SGIP1: variants seen among roughly 807,000 people sequenced by gnomAD.
SGIP1 encodes SH3GL interacting endocytic adaptor 1, also known as SH3-containing GRB2-like protein 3-interacting protein 1.
Under a neutral mutation model 107.5 loss-of-function variants are expected in SGIP1, and 38 were observed. That is an observed-to-expected ratio of 0.35 (90% CI 0.27 to 0.46). SGIP1 has a LOEUF of 0.46. Ranked by LOEUF, SGIP1 falls within the 20% of genes least tolerant of loss-of-function variation. SGIP1 has a pLI of 1.00. For synonymous variants in SGIP1, 365 were observed against 366.1 expected (o/e 1.00, Z 0.03); for missense variants, 929 against 1,019.5 (o/e 0.91, Z 1.21).
chr1:66,671,797 A>G lies in SGIP1; in HGVS notation c.509-147A>G, dbSNP rs921709317. On this transcript the variant is annotated intron_variant, in intron 10 of 24. Transcript: ENST00000371037. Reference sequence around the variant, plus strand: ...CCTAATATATGGCTGTTGCATTGCCAGGGGAGAAGGTTTGTTTTGCAAAGT... The same window carrying G: ...CCTAATATATGGCTGTTGCATTGCCGGGGGAGAAGGTTTGTTTTGCAAAGT... 2.8e-5 allele frequency: 19 copies of G among 684,354 alleles called. No homozygotes were observed. In the African/African-American group the frequency reaches 3.2e-4, roughly 12 times the overall value. The allele number at this position is 684,354 out of a possible 1,614,324, so 42.4% of individuals were successfully genotyped here.
chr1:66,689,157 C>A lies in SGIP1; in HGVS notation c.1325C>A (p.Ser442Tyr). Residue 442 changes from serine to tyrosine, a missense_variant, in exon 16 of 25, where the codon TCC becomes TAC. Coordinates refer to ENST00000371037, the MANE Select transcript of SGIP1 (RefSeq NM_032291.4). Reference protein sequence around the residue: ...PGPGTTSGASSPARPATPLVP... With the variant: ...PGPGTTSGASYPARPATPLVP... Reference sequence around the variant, plus strand: ...CTAGTTTGTTTTTCAGGTGCATCATCCCCTGCTCGACCAGCCACTCCTTTG... The same window carrying A: ...CTAGTTTGTTTTTCAGGTGCATCATACCCTGCTCGACCAGCCACTCCTTTG... The A allele has an allele frequency of 6.2e-7, 1 of 1,612,988 alleles. No homozygotes were observed. Among genetic ancestry groups the A allele is most frequent in the South Asian group, 1.1e-5 (1 of 90,824 alleles).
chr1:66,670,729 T>G (rs2083571422), intron 9 of SGIP1, among the ~76,000 whole-genome samples: 1 of 152,256 alleles, frequency 6.6e-6, no homozygotes, highest in Non-Finnish European at 1.5e-5. Flanking sequence ...GAATTTAATT[T>G]ACCAAATCTA....
chr1:66,576,521 A>T (rs1177598578), intron 1 of SGIP1, among the ~76,000 whole-genome samples: 2 of 152,240 alleles, frequency 1.3e-5, no homozygotes, highest in African/African-American at 4.8e-5. Flanking sequence ...TATAGAGGTA[A>T]TAAAACCAAT....
chr1:66,588,079 T>G (rs1211377373), intron 1 of SGIP1, among the ~76,000 whole-genome samples: 1 of 152,166 alleles, frequency 6.6e-6, no homozygotes, highest in Non-Finnish European at 1.5e-5. Context: ...AAACAAAATC[T>G]GCTGAAGTAT....
chr1:66,640,605 T>C (rs1456364409), intron 5 of SGIP1, among the ~76,000 whole-genome samples: 1 of 152,030 alleles, frequency 6.6e-6, no homozygotes, highest in Non-Finnish European at 1.5e-5. Flanking sequence ...AGAGAACATG[T>C]GGCTGAGAGG....
chr1:66,592,155 C>T (rs1016168921), intron 1 of SGIP1, among the ~76,000 whole-genome samples: 3 of 152,122 alleles, frequency 2.0e-5, no homozygotes, highest in African/African-American at 4.8e-5. Flanking sequence ...GGCTGGGGGA[C>T]GGTCAGGTCT....
At position 66,617,058 on chromosome 1, in the gene SGIP1, C is replaced by G. The variant is rs542730059; in HGVS notation, c.11-8789C>G. 4.7e-4 allele frequency among the ~76,000 whole-genome samples: 72 copies of G among 152,300 alleles called. 1 individual carries two copies. In the South Asian group the frequency reaches 0.015, roughly 32 times the overall value. ...TTTTGTGCATACTTAGTACAGAGAT[C>G]ACCTGGATTTCCTTTAAGTCAAGTA... On this transcript the variant is annotated intron_variant, in intron 1 of 24. Coordinates refer to ENST00000371037, the MANE Select transcript of SGIP1 (RefSeq NM_032291.4).
At chr1:66,586,087 A>G (rs2062571343) in intron 1 of SGIP1, among the ~76,000 whole-genome samples, 1 of 152,136 alleles carries the variant, frequency 6.6e-6, no homozygotes, top group Non-Finnish European at 1.5e-5. Context: ...TTTTATCATT[A>G]TATAATTTTG....
At chr1:66,578,736 A>G (rs1557951524) in intron 1 of SGIP1, among the ~76,000 whole-genome samples, 1 of 152,062 alleles carries the variant, frequency 6.6e-6, no homozygotes, top group East Asian at 1.9e-4. Flanking sequence ...CAATGGTGCA[A>G]TCTCAGCTCA....
chr1:66,638,133 C>T (rs12138066), intron 4 of SGIP1, among the ~76,000 whole-genome samples: 79,043 of 151,866 alleles, frequency 0.52, 21,673 homozygotes, highest in African/African-American at 0.7. Context: ...GTTTATTATA[C>T]ATACTTTCTA....
intron 1 of SGIP1, among the ~76,000 whole-genome samples, chr1:66,567,891 G>A (rs927970331): frequency 2.6e-5 from 4 of 152,168 alleles, no homozygotes; most frequent in African/African-American, 7.2e-5. Flanking sequence ...GTACCATGCT[G>A]TTTTGGTTAC....
Position 66,689,144 on chromosome 1 carries a change from T to C in SGIP1, c.1316-4T>C. 2 of 1,611,590 alleles carry C rather than the reference T, an allele frequency of 1.2e-6. No individual in the cohort carries two copies. The highest frequency in any genetic ancestry group is 1.7e-6 in the Non-Finnish European group (2 of 1,178,734). ...AGCCATTTTAATGCTAGTTTGTTTT[T>C]CAGGTGCATCATCCCCTGCTCGACC... On this transcript the variant is annotated splice_region_variant and splice_polypyrimidine_tract_variant and intron_variant, in intron 15 of 24. Transcript: ENST00000371037.
chr1:66,617,094 T>G (rs1018657319), intron 1 of SGIP1, among the ~76,000 whole-genome samples: 1 of 152,218 alleles, frequency 6.6e-6, no homozygotes, highest in Non-Finnish European at 1.5e-5. Context: ...GAAATGTAGG[T>G]GAAGCATTCA....
chr1:66,638,885 C>A (rs1022449852), intron 4 of SGIP1, among the ~76,000 whole-genome samples: 15 of 152,254 alleles, frequency 9.9e-5, no homozygotes, highest in Admixed American at 6.5e-4. Context: ...ATCTGCTATG[C>A]GCAGTGACAT....
intron 19 of SGIP1, among the ~76,000 whole-genome samples, chr1:66,721,693 G>A (rs1239067542): frequency 6.6e-6 from 1 of 152,168 alleles, no homozygotes; most frequent in Admixed American, 6.6e-5. Context: ...ACAGGCGTGA[G>A]CCACTGTGCC....
chr1:66,665,167 C>G (rs979699066), intron 8 of SGIP1, among the ~76,000 whole-genome samples: 2 of 152,186 alleles, frequency 1.3e-5, no homozygotes, highest in Non-Finnish European at 2.9e-5. Context: ...GTTCCCCACC[C>G]TGTGTCCAAG....
At chr1:66,689,047 C>CAAA in intron 15 of SGIP1, 101 bp from the exon 16 acceptor site, 45 of 1,214,910 alleles carry the variant, frequency 3.7e-5, no homozygotes, top group Non-Finnish European at 4.6e-5. Flanking sequence ...ACTGCCAAGG[C>CAAA]AAAAAAAAAA....
intron 1 of SGIP1, among the ~76,000 whole-genome samples, chr1:66,539,570 C>A (rs1301938484): frequency 6.6e-6 from 1 of 152,194 alleles, no homozygotes. Flanking sequence ...CTCTTAAAAT[C>A]CATAGGCTAC....
chr1:66,719,192 G>A, intron 18 of SGIP1, 102 bp from the exon 19 acceptor site: 5 of 669,154 alleles, frequency 7.5e-6, no homozygotes, highest in Admixed American at 2.8e-5. Context: ...TTTACATTAA[G>A]GGGTAGATTT....
Sources: gnomAD v4.1 joint callset for allele counts (sites outside exome capture counted in the v4.1 genomes callset) on GRCh38, gnomAD v4.1.1 for gene constraint, MANE v1.5 for transcripts, NCBI Gene and HGNC (gene_info 2026-07-23, HGNC 2026-07-21) for gene names.